ME1: variants seen among roughly 807,000 people sequenced by gnomAD.
The protein encoded by ME1 is NADP-dependent malic enzyme.
Under a neutral mutation model 66.4 loss-of-function variants are expected in ME1, and 74 were observed. The ratio of observed to expected loss-of-function variants is 1.11; its 90% CI spans 0.92 to 1.35. The LOEUF (loss-of-function observed/expected upper bound fraction) is 1.35, where lower values mean the gene tolerates loss of function less well. ME1 is among the 40% of genes most tolerant of loss of function. The pLI is 0.00. For missense variants in ME1, 750 were observed against 694.1 expected, an observed-to-expected ratio of 1.08 and a Z score of -0.90; for synonymous variants, 251 against 235.6, an observed-to-expected ratio of 1.07 and a Z score of -0.60.
chr6:83,241,116 T>A, intron 7 of ME1, among the ~76,000 whole-genome samples: 1 of 152,134 alleles, frequency 6.6e-6, no homozygotes, highest in Non-Finnish European at 1.5e-5. Context: ...CCATGCAAGA[T>A]ATATTCACTA....
intron 3 of ME1, among the ~76,000 whole-genome samples, chr6:83,375,153 G>C (rs1300331841): frequency 6.6e-6 from 1 of 152,112 alleles, no homozygotes; most frequent in East Asian, 1.9e-4. Context: ...TAGTTTGATG[G>C]GAATAGCATT....
intron 7 of ME1, among the ~76,000 whole-genome samples, chr6:83,248,688 C>T (rs1439766797): frequency 6.6e-6 from 1 of 152,144 alleles, no homozygotes; most frequent in Non-Finnish European, 1.5e-5. Context: ...GAAGTTCTTC[C>T]TTCACTCATC....
At chr6:83,274,011 G>A (rs1030993191) in intron 6 of ME1, among the ~76,000 whole-genome samples, 1 of 152,096 alleles carries the variant, frequency 6.6e-6, no homozygotes, top group Non-Finnish European at 1.5e-5. Context: ...TTTCAAACTC[G>A]TATCCCTCAG....
At chr6:83,411,850 T>G (rs1020165851) in intron 1 of ME1, among the ~76,000 whole-genome samples, 2 of 152,192 alleles carry the variant, frequency 1.3e-5, no homozygotes, top group African/African-American at 4.8e-5. Flanking sequence ...CTTTTTTGTC[T>G]TTTCTTTGCT....
chr6:83,297,582 C>CT (rs929269136), intron 6 of ME1, among the ~76,000 whole-genome samples: 109 of 136,644 alleles, frequency 8.0e-4, no homozygotes, highest in Non-Finnish European at 1.2e-3. Flanking sequence ...ATCTAATCTT[C>CT]TTTTTTTTTA....
Position 83,288,547 on chromosome 6 carries a change from G to A in ME1, c.704+26763C>T, listed in dbSNP as rs550719477. Among the ~76,000 whole-genome samples, 12 of 152,254 alleles carry A rather than the reference G, an allele frequency of 7.9e-5. 1 individual carries two copies. In the South Asian group the frequency reaches 2.3e-3, roughly 29 times the overall value. ...TTTGGTACCAGTACCATGCTGTTTT[G>A]GTTATTGTAGCCTTGTAGTAAAGTT... is the stretch of plus-strand genomic sequence containing the variant. On this transcript the variant is annotated intron_variant, in intron 6 of 13. Coordinates refer to ENST00000369705, the MANE Select transcript of ME1 (RefSeq NM_002395.6).
intron 3 of ME1, 100 bp from the exon 4 acceptor site, chr6:83,352,239 T>G (rs1768816836): frequency 1.6e-6 from 1 of 644,310 alleles, no homozygotes; most frequent in South Asian, 3.4e-5. Context: ...ACAATTTAAT[T>G]TATCTCAATT....
At chr6:83,355,902 A>C (rs1262691647) in intron 3 of ME1, among the ~76,000 whole-genome samples, 3 of 152,164 alleles carry the variant, frequency 2.0e-5, no homozygotes, top group African/African-American at 4.8e-5. Flanking sequence ...AAAATGTTTA[A>C]TTTTAGACAT....
In ME1 at chr6:83,279,432, A is replaced by C. The variant is rs569718118; in HGVS notation, c.705-25694T>G. ...GATTAATATGCTAAGTGATCTAAGC[A>C]GAGCAATAGAAACTCTAAGAATCGA... On this transcript the variant is annotated intron_variant, in intron 6 of 13. Transcript: ENST00000369705. 2.0e-5 allele frequency among the ~76,000 whole-genome samples: 3 copies of C among 152,344 alleles called. No individual in the cohort carries two copies. In the South Asian group the frequency reaches 6.2e-4, roughly 32 times the overall value.
intron 1 of ME1, among the ~76,000 whole-genome samples, chr6:83,419,524 A>G (rs1770226242): frequency 6.6e-6 from 1 of 152,232 alleles, no homozygotes. Flanking sequence ...AATACTTCAT[A>G]CAATATCTCT....
chr6:83,422,122 C>A (rs2128553568), intron 1 of ME1, among the ~76,000 whole-genome samples: 1 of 152,284 alleles, frequency 6.6e-6, no homozygotes, highest in South Asian at 2.1e-4. Flanking sequence ...ATATTAACTT[C>A]TACACTCACT....
At chr6:83,292,097 A>G (rs1463148347) in intron 6 of ME1, among the ~76,000 whole-genome samples, 3 of 152,046 alleles carry the variant, frequency 2.0e-5, no homozygotes, top group African/African-American at 4.8e-5. Context: ...GTTTGTTATT[A>G]TCAACCTTCT....
intron 2 of ME1, among the ~76,000 whole-genome samples, chr6:83,402,430 C>T (rs113219392): frequency 1.3e-5 from 2 of 152,214 alleles, no homozygotes; most frequent in South Asian, 2.1e-4. Context: ...TCATTCCAAA[C>T]GGAAGAATGT....
chr6:83,227,329 C>G lies in ME1; in HGVS notation c.1275+6G>C. ...TATTAAAATATCTGTTATAGTTTTA[C>G]TTTACCTTGGTTATTTTGTAGCACT... is the stretch of plus-strand genomic sequence containing the variant. On this transcript the variant is annotated splice_donor_region_variant and intron_variant, in intron 11 of 13. Transcript: ENST00000369705. 4 of 1,513,798 alleles carry G rather than the reference C, an allele frequency of 2.6e-6. No homozygotes were observed. The highest frequency in any genetic ancestry group is 3.6e-6 in the Non-Finnish European group (4 of 1,121,322). 93.8% of individuals were successfully genotyped at this position (1,513,798 alleles called of 1,614,324 possible).
At chr6:83,410,882 T>C (rs770321786) in intron 1 of ME1, among the ~76,000 whole-genome samples, 2 of 152,248 alleles carry the variant, frequency 1.3e-5, no homozygotes, top group Non-Finnish European at 2.9e-5. Flanking sequence ...CCATATCTTA[T>C]GCCATGTAAA....
chr6:83,309,992 A>C (rs1767900827), intron 6 of ME1, among the ~76,000 whole-genome samples: 1 of 152,192 alleles, frequency 6.6e-6, no homozygotes, highest in Admixed American at 6.6e-5. Context: ...TAGAATTACT[A>C]GGCCCAATTG....
intron 3 of ME1, among the ~76,000 whole-genome samples, chr6:83,375,722 C>T (rs904484142): frequency 6.6e-6 from 1 of 152,092 alleles, no homozygotes; most frequent in Admixed American, 6.6e-5. Context: ...ATGATAATGG[C>T]TGTGGGTGTG....
chr6:83,430,650 G>A (rs781691656), intron 1 of ME1, among the ~76,000 whole-genome samples: 31 of 152,364 alleles, frequency 2.0e-4, no homozygotes, highest in Non-Finnish European at 3.8e-4. Flanking sequence ...GGGATGCCGA[G>A]GTGCAGAGGC....
chr6:83,244,105 C>T (rs1221719249), intron 7 of ME1, among the ~76,000 whole-genome samples: 1 of 151,440 alleles, frequency 6.6e-6, no homozygotes, highest in Non-Finnish European at 1.5e-5. Flanking sequence ...ATACGGAGAC[C>T]CTCCAATCTT....
Sources: gnomAD v4.1 joint callset for allele counts (sites outside exome capture counted in the v4.1 genomes callset) on GRCh38, gnomAD v4.1.1 for gene constraint, MANE v1.5 for transcripts, NCBI Gene and HGNC (gene_info 2026-07-23, HGNC 2026-07-21) for gene names.